The following RNF2 variants were observed in gnomAD, a reference collection of about 807,000 sequenced individuals.
RNF2 encodes E3 ubiquitin-protein ligase RING2.
In RNF2, 6 loss-of-function variants were observed where a neutral mutation model predicts 37.2. The ratio of observed to expected loss-of-function variants is 0.16; its 90% CI spans 0.09 to 0.32. The LOEUF is 0.32. RNF2 is among the 10% of genes least tolerant of loss of function. The pLI is 1.00. For synonymous variants in RNF2, 133 were observed against 132.7 expected, an observed-to-expected ratio of 1.00 and a Z score of -0.02; for missense variants, 251 against 404.0, an observed-to-expected ratio of 0.62 and a Z score of 3.25.
intron 1 of RNF2, among the ~76,000 whole-genome samples, chr1:185,078,123 T>C (rs758703947): frequency 2.0e-5 from 3 of 152,162 alleles, no homozygotes; most frequent in Non-Finnish European, 4.4e-5. Context: ...GGTGTGTGCC[T>C]GTAGTCCCAG....
chr1:185,082,280 T>A (rs1340104179), intron 1 of RNF2, among the ~76,000 whole-genome samples: 1 of 151,448 alleles, frequency 6.6e-6, no homozygotes, highest in Non-Finnish European at 1.5e-5. Flanking sequence ...CAGTTGGTCG[T>A]TGTCAACTTC....
At position 185,101,832 on chromosome 1, in the gene RNF2, G is replaced by GTTTTTTTTTTTTTTTT. The variant is rs768356678; in HGVS notation, c.*1538_*1553dup. On this transcript the variant is annotated 3_prime_UTR_variant, in exon 7 of 7. Coordinates refer to ENST00000367510, the MANE Select transcript of RNF2 (RefSeq NM_007212.4). ...AATATTTAAAATCTGTTTTTACAGG[G>GTTTTTTTTTTTTTTTT]TTTTTTTTTTTTTTTTTTTTTTGTA... 4 of 97,878 alleles carry GTTTTTTTTTTTTTTTT rather than the reference G, an allele frequency of 4.1e-5. No individual in the cohort carries two copies. The highest frequency in any genetic ancestry group is 1.6e-4 in the African/African-American group (4 of 24,638). The allele number at this position is 97,878 out of a possible 1,614,324, so 6.1% of individuals were successfully genotyped here. A position where few individuals can be genotyped will look rare whatever the true frequency, so the allele number is the denominator to read the frequency against.
chr1:185,059,078 A>G (rs1333606813), intron 1 of RNF2, among the ~76,000 whole-genome samples: 1 of 152,168 alleles, frequency 6.6e-6, no homozygotes, highest in Non-Finnish European at 1.5e-5. Flanking sequence ...CTCTGGAGCT[A>G]CTTCTGCCAG....
chr1:185,084,457 A>G (rs1044134201), intron 1 of RNF2, among the ~76,000 whole-genome samples: 2 of 152,172 alleles, frequency 1.3e-5, no homozygotes, highest in Admixed American at 6.5e-5. Context: ...ATAATGTTAG[A>G]TGCATAAGGA....
intron 1 of RNF2, among the ~76,000 whole-genome samples, chr1:185,076,268 G>GTTGTT (rs1651152431): frequency 7.3e-5 from 2 of 27,336 alleles, no homozygotes; most frequent in African/African-American, 1.3e-4. Flanking sequence ...TTTATGGGTT[G>GTTGTT]TTTTTTTTTT....
At position 185,046,508 on chromosome 1, in the gene RNF2, G is replaced by T. The variant is rs149355596; in HGVS notation, c.-3+859G>T. Among the ~76,000 whole-genome samples, 26 of 152,212 alleles carry T rather than the reference G, an allele frequency of 1.7e-4. 1 individual carries two copies. The East Asian group carries it at 5.0e-3, about 29-fold the overall frequency. On this transcript the variant is annotated intron_variant, in intron 1 of 6. Coordinates refer to ENST00000367510, the MANE Select transcript of RNF2 (RefSeq NM_007212.4). ...TTAGTAAAAATTGATCTCAAACTTT[G>T]AGGTTCATTCCAGTTATTTGCCCGC...
chr1:185,052,715 G>A (rs1650306252), intron 1 of RNF2, among the ~76,000 whole-genome samples: 1 of 152,122 alleles, frequency 6.6e-6, no homozygotes, highest in Admixed American at 6.5e-5. Flanking sequence ...TTTAAAAAAT[G>A]AGGTGACCAT....
At chr1:185,077,286 A>T (rs1471271445) in intron 1 of RNF2, among the ~76,000 whole-genome samples, 1 of 148,274 alleles carries the variant, frequency 6.7e-6, no homozygotes, top group African/African-American at 2.5e-5. Context: ...TCCTCTCCCC[A>T]TCCTCCTCCC....
chr1:185,088,134 A>G (rs976937586), intron 2 of RNF2, among the ~76,000 whole-genome samples: 2 of 152,222 alleles, frequency 1.3e-5, no homozygotes, highest in Admixed American at 1.3e-4. Context: ...TATTAGTCTG[A>G]ACTAAATACA....
rs1278316924 is a variant in RNF2 at position 185,087,659 on chromosome 1, G to C, written c.87+19G>C. On this transcript the variant is annotated intron_variant, in intron 2 of 6. Transcript: ENST00000367510. ...ACCTCAGGTAATGACTAAGATGACT[G>C]CCAAGGGGCATATGAGACGTGTAAA... The C allele has an allele frequency of 1.3e-6, 2 of 1,574,140 alleles. No individual in the cohort carries two copies. Among genetic ancestry groups the C allele is most frequent in the African/African-American group, 2.7e-5 (2 of 74,198 alleles).
chr1:185,092,396 T>G (rs1300199661), intron 3 of RNF2, among the ~76,000 whole-genome samples: 1 of 151,956 alleles, frequency 6.6e-6, no homozygotes, highest in Non-Finnish European at 1.5e-5. Flanking sequence ...AGGCTGGTCT[T>G]GAACTCCTGA....
chr1:185,081,008 AGT>A (rs1443373247), intron 1 of RNF2, among the ~76,000 whole-genome samples: 1 of 152,138 alleles, frequency 6.6e-6, no homozygotes, highest in African/African-American at 2.4e-5. Flanking sequence ...ATTCCTCCTG[AGT>A]AGTTTTGGTT....
Position 185,098,150 on chromosome 1 carries a change from T to C in RNF2, c.543T>C (p.Asn181=), listed in dbSNP as rs1482655073. Reference sequence around the variant, plus strand: ...ATGGTGACAGTTCACACTGCAGTAATGCATCCACACATAGCAATCAGGAAG... The same window carrying C: ...ATGGTGACAGTTCACACTGCAGTAACGCATCCACACATAGCAATCAGGAAG... ...EDNGDSSHCS[N]ASTHSNQEAG... is the part of the protein sequence containing the mutation. The change falls in exon 5 of 7, where the codon AAT becomes AAC. Residue 181 remains asparagine, a synonymous_variant. Coordinates refer to ENST00000367510, the MANE Select transcript of RNF2 (RefSeq NM_007212.4). The C allele has an allele frequency of 1.2e-6, 2 of 1,614,090 alleles. No homozygotes were observed. Among genetic ancestry groups the C allele is most frequent in the African/African-American group, 1.3e-5 (1 of 74,940 alleles).
intron 3 of RNF2, 77 bp from the exon 4 acceptor site, chr1:185,092,984 C>A (rs1651812583): frequency 8.2e-6 from 10 of 1,213,954 alleles, no homozygotes; most frequent in African/African-American, 3.0e-5. Flanking sequence ...GAATAACTAT[C>A]CAGAAGCTGG....
intron 1 of RNF2, 63 bp from the exon 2 acceptor site, chr1:185,087,489 A>G: frequency 1.4e-6 from 2 of 1,383,420 alleles, no homozygotes; most frequent in Non-Finnish European, 2.1e-6. Flanking sequence ...GGACACATAC[A>G]TTCAGACCAT....
intron 5 of RNF2, among the ~76,000 whole-genome samples, chr1:185,098,806 C>T (rs977109661): frequency 6.6e-6 from 1 of 151,500 alleles, no homozygotes; most frequent in African/African-American, 2.4e-5. Context: ...GGCTGGAGTG[C>T]AGTGGCGCGA....
chr1:185,052,531 G>C (rs1396411168), intron 1 of RNF2, among the ~76,000 whole-genome samples: 5 of 152,236 alleles, frequency 3.3e-5, no homozygotes, highest in Non-Finnish European at 5.9e-5. Context: ...CCATAGATTG[G>C]TGGTTGCCAG....
intron 1 of RNF2, among the ~76,000 whole-genome samples, chr1:185,051,734 CTT>C (rs34143770): frequency 1.1e-4 from 16 of 142,564 alleles, no homozygotes; most frequent in East Asian, 2.0e-4. Context: ...TTAACTAATT[CTT>C]TTTTTTTTTT....
chr1:185,097,114 A>G (rs966740433), intron 4 of RNF2, among the ~76,000 whole-genome samples: 1 of 152,072 alleles, frequency 6.6e-6, no homozygotes, highest in African/African-American at 2.4e-5. Flanking sequence ...CTTGTACCTG[A>G]GTTTTCTTTG....
Sources: gnomAD v4.1 joint callset for allele counts (sites outside exome capture counted in the v4.1 genomes callset) on GRCh38, gnomAD v4.1.1 for gene constraint, MANE v1.5 for transcripts, NCBI Gene and HGNC (gene_info 2026-07-23, HGNC 2026-07-21) for gene names.